The following UBA3 variants were observed in gnomAD, a reference collection of about 807,000 sequenced individuals.
The protein encoded by UBA3 is ubiquitin like modifier activating enzyme 3, also known as NEDD8-activating enzyme E1 catalytic subunit.
A neutral mutation model predicts 73.5 loss-of-function variants in UBA3; 26 were observed. That is an observed-to-expected ratio of 0.35 (90% confidence interval 0.26 to 0.49). The LOEUF (loss-of-function observed/expected upper bound fraction) is 0.49, where lower values mean the gene tolerates loss of function less well. Among genes scored for constraint, UBA3 ranks in the 20% least tolerant of loss-of-function variants. UBA3 has a pLI of 0.98. For missense variants in UBA3, 495 were observed against 555.6 expected (o/e 0.89, Z 1.10); for synonymous variants, 217 against 191.2 (o/e 1.13, Z -1.11).
chr3:69,055,824 A>C, intron 17 of UBA3, 27 bp downstream of exon 17: 1 of 1,586,974 alleles, frequency 6.3e-7, no homozygotes, highest in Non-Finnish European at 8.6e-7. Flanking sequence ...AAAGAAAATG[A>C]TTAGTAAATA....
At chr3:69,069,005 A>G (rs537897964) in intron 5 of UBA3, among the ~76,000 whole-genome samples, 1 of 152,366 alleles carries the variant, frequency 6.6e-6, no homozygotes, top group Admixed American at 6.5e-5. Context: ...TAGATAGGAA[A>G]GGATATGAAT....
At chr3:69,056,506 T>C (rs1323688002) in intron 14 of UBA3, 106 bp downstream of exon 14, 1 of 1,010,760 alleles carries the variant, frequency 9.9e-7, no homozygotes, top group Non-Finnish European at 1.5e-6. Context: ...ATAAGTAGAG[T>C]TCTGGAAGTT....
At chr3:69,056,362 C>T in intron 14 of UBA3, 79 bp from the exon 15 acceptor site, 1 of 1,227,550 alleles carries the variant, frequency 8.1e-7, no homozygotes. Flanking sequence ...AAATAAAAAT[C>T]AGGTTGTTTT....
chr3:69,073,498 A>T (rs968341291), intron 4 of UBA3, among the ~76,000 whole-genome samples: 1 of 152,146 alleles, frequency 6.6e-6, no homozygotes, highest in South Asian at 2.1e-4. Flanking sequence ...TTACTTTTTC[A>T]TTCAACTAAA....
intron 14 of UBA3, 77 bp downstream of exon 14, chr3:69,056,535 T>G (rs2091975416): frequency 7.8e-7 from 1 of 1,288,974 alleles, no homozygotes; most frequent in Admixed American, 2.1e-5. Flanking sequence ...TATGGGTGAC[T>G]TTGTTCAAAT....
chr3:69,055,409 T>G lies in UBA3; in HGVS notation c.*28A>C. 1.8e-4 allele frequency: 246 copies of G among 1,375,046 alleles called. No individual in the cohort carries two copies. The highest frequency in any genetic ancestry group is 2.2e-4 in the Non-Finnish European group (231 of 1,029,342). 85.2% of individuals were successfully genotyped at this position (1,375,046 alleles called of 1,614,324 possible). On this transcript the variant is annotated 3_prime_UTR_variant, in exon 18 of 18. Transcript: ENST00000361055. ...GCATCCACAAAGTATATTATTTCCA[T>G]GAGTTTTCTATTATGTGGAGATTTT...
chr3:69,064,579 T>G (rs1166212626), intron 6 of UBA3, among the ~76,000 whole-genome samples: 1 of 152,226 alleles, frequency 6.6e-6, no homozygotes, highest in Non-Finnish European at 1.5e-5. Flanking sequence ...AACAGCTTTT[T>G]CAGTTGGTAA....
intron 4 of UBA3, 23 bp downstream of exon 4, chr3:69,075,407 A>T: frequency 4.5e-6 from 5 of 1,123,060 alleles, no homozygotes; most frequent in Non-Finnish European, 5.8e-6. Context: ...AAAAATATTT[A>T]TATATATATG....
chr3:69,077,711 T>C, intron 3 of UBA3, 87 bp downstream of exon 3: 1 of 1,359,046 alleles, frequency 7.4e-7, no homozygotes, highest in Non-Finnish European at 9.8e-7. Flanking sequence ...GTATTTTCAT[T>C]GTAAGAGCAA....
chr3:69,061,830 CG>C lies in UBA3; in HGVS notation c.893del (p.Thr298SerfsTer8), dbSNP rs1559642126. The C allele has an allele frequency of 2.5e-6, 4 of 1,603,308 alleles. No individual in the cohort carries two copies. The highest frequency in any genetic ancestry group is 8.5e-7 in the Non-Finnish European group (1 of 1,175,270). ...CTGACTTACCTTGAGTGAGCCTATA[CG>C]TAACACCCCTAATATTATATTGTGA... is the stretch of plus-strand genomic sequence containing the variant. ...RASQYNIRGV[T>X]YRLTQGVVKR... is the part of the protein sequence containing the mutation. On this transcript the variant is annotated frameshift_variant, in exon 11 of 18. Transcript: ENST00000361055. LOFTEE classifies it high-confidence loss of function.
chr3:69,054,984 G>A lies in UBA3; in HGVS notation c.*453C>T, dbSNP rs1396962026. ...CATTTGGATGGCCACAATTAAATGA[G>A]TGTTATATCAAGAAATAGCCTATGT... is the stretch of plus-strand genomic sequence containing the variant. On this transcript the variant is annotated 3_prime_UTR_variant, in exon 18 of 18. Coordinates refer to ENST00000361055, the MANE Select transcript of UBA3 (RefSeq NM_003968.4). 1 of 152,400 alleles carries A rather than the reference G, an allele frequency of 6.6e-6. No homozygotes were observed. The highest frequency in any genetic ancestry group is 1.5e-5 in the Non-Finnish European group (1 of 68,204). The allele number at this position is 152,400 out of a possible 1,614,324, so 9.4% of individuals were successfully genotyped here.
Position 69,068,014 on chromosome 3 carries a change from G to T in UBA3, c.348-6C>A. On this transcript the variant is annotated splice_polypyrimidine_tract_variant and splice_region_variant and intron_variant, in intron 5 of 17. Transcript: ENST00000361055. ...GTCTTCCAATATCTTTAGGCCTACA[G>T]GAAAAATATTTAAATTATAATTCAT... 1 of 1,535,270 alleles carries T rather than the reference G, an allele frequency of 6.5e-7. No homozygotes were observed. Among genetic ancestry groups the T allele is most frequent in the Non-Finnish European group, 8.8e-7 (1 of 1,136,698 alleles).
chr3:69,079,393 T>C (rs2107504176), intron 2 of UBA3, among the ~76,000 whole-genome samples: 1 of 152,342 alleles, frequency 6.6e-6, no homozygotes, highest in Admixed American at 6.5e-5. Context: ...GCACTGCTAC[T>C]GGGAATCGGC....
At chr3:69,078,936 A>G (rs2092194252) in intron 2 of UBA3, among the ~76,000 whole-genome samples, 1 of 152,240 alleles carries the variant, frequency 6.6e-6, no homozygotes, top group African/African-American at 2.4e-5. Flanking sequence ...CATCTATTTT[A>G]TACTTAGTTA....
chr3:69,079,391 A>G (rs903330399), intron 2 of UBA3, among the ~76,000 whole-genome samples: 3 of 152,260 alleles, frequency 2.0e-5, no homozygotes, highest in African/African-American at 7.2e-5. Flanking sequence ...AAGCACTGCT[A>G]CTGGGAATCG....
Position 69,054,989 on chromosome 3 carries a change from A to G in UBA3, c.*448T>C, listed in dbSNP as rs182306314. 2 of 152,602 alleles carry G rather than the reference A, an allele frequency of 1.3e-5. No individual in the cohort carries two copies. Among genetic ancestry groups the G allele is most frequent in the African/African-American group, 2.4e-5 (1 of 41,596 alleles). 9.5% of individuals were successfully genotyped at this position (152,602 alleles called of 1,614,324 possible). A position where few individuals can be genotyped will look rare whatever the true frequency, so the allele number is the denominator to read the frequency against. On this transcript the variant is annotated 3_prime_UTR_variant, in exon 18 of 18. Transcript: ENST00000361055. The stretch of plus-strand genomic sequence containing the variant: ...GGATGGCCACAATTAAATGAGTGTT[A>G]TATCAAGAAATAGCCTATGTTCAAT...
chr3:69,055,966 T>C lies in UBA3; in HGVS notation c.1248+34A>G, dbSNP rs1164923485. The C allele has an allele frequency of 1.1e-5, 17 of 1,596,858 alleles. No homozygotes were observed. In the Admixed American group the frequency reaches 2.0e-4, roughly 18 times the overall value. On this transcript the variant is annotated intron_variant, in intron 16 of 17. Coordinates refer to ENST00000361055, the MANE Select transcript of UBA3 (RefSeq NM_003968.4). ...AAAGTAAAATAAAACTTGATATAAT[T>C]TTCTGAAAAAAATTTAAAATACACA...
chr3:69,069,535 C>T (rs1450950447), intron 5 of UBA3, among the ~76,000 whole-genome samples: 1 of 152,064 alleles, frequency 6.6e-6, no homozygotes, highest in African/African-American at 2.4e-5. Context: ...CCGTGTTGGC[C>T]GGGCTGGTCT....
chr3:69,068,952 A>G (rs1417717585), intron 5 of UBA3, among the ~76,000 whole-genome samples: 1 of 152,228 alleles, frequency 6.6e-6, no homozygotes, highest in African/African-American at 2.4e-5. Context: ...AGCTGAATAT[A>G]TAAGGCCTCA....
Sources: allele counts gnomAD v4.1 joint callset (sites outside exome capture counted in the v4.1 genomes callset), GRCh38; gene constraint gnomAD v4.1.1; transcripts MANE v1.5; gene names NCBI Gene and HGNC (gene_info 2026-07-23, HGNC 2026-07-21).